Variants in CAP2 observed in about 807,000 individuals in gnomAD.
The protein encoded by CAP2 is adenylyl cyclase-associated protein 2.
CAP2 carries 24 observed loss-of-function variants against 57.7 expected under a neutral mutation model. That is an observed-to-expected ratio of 0.42 (90% CI 0.30 to 0.58). The LOEUF (loss-of-function observed/expected upper bound fraction) is 0.58. Ranked by LOEUF, CAP2 falls within the 20% of genes least tolerant of loss-of-function variation. The pLI is 0.22. For missense variants in CAP2, 501 were observed against 590.3 expected, an observed-to-expected ratio of 0.85 and a Z score of 1.57; for synonymous variants, 194 against 207.2, an observed-to-expected ratio of 0.94 and a Z score of 0.55.
Position 17,513,214 on chromosome 6 carries a change from C to A in CAP2, c.531-635C>A, listed in dbSNP as rs1017342326. ...AATAGAGATAAAAATACTGGTGATG[C>A]CTTGCCTGGTTTGTATTGTCATTCA... On this transcript the variant is annotated intron_variant, in intron 6 of 12. Transcript: ENST00000229922. The surrounding 1 kb of genome is among the most constrained non-coding windows in gnomAD (Gnocchi z 4.3). Among the ~76,000 whole-genome samples, 5 of 151,974 alleles carry A rather than the reference C, an allele frequency of 3.3e-5. No individual in the cohort carries two copies. Among genetic ancestry groups the A allele is most frequent in the South Asian group, 2.1e-4 (1 of 4,824 alleles).
At chr6:17,438,563 T>C (rs1486796008) in intron 3 of CAP2, among the ~76,000 whole-genome samples, 4 of 142,638 alleles carry the variant, frequency 2.8e-5, no homozygotes, top group Non-Finnish European at 6.0e-5. Context: ...CTCAGCCTCC[T>C]GAGTAGCTGG....
At chr6:17,414,764 A>C (rs1759234713) in intron 1 of CAP2, among the ~76,000 whole-genome samples, 1 of 152,204 alleles carries the variant, frequency 6.6e-6, no homozygotes, top group Non-Finnish European at 1.5e-5. Flanking sequence ...CTTTGGGTCT[A>C]TACCCAGTAA....
At chr6:17,439,681 A>G (rs1760014780) in intron 3 of CAP2, among the ~76,000 whole-genome samples, 1 of 151,480 alleles carries the variant, frequency 6.6e-6, no homozygotes, top group African/African-American at 2.4e-5. Context: ...GGAGCACACA[A>G]CCTAGATCCC....
intron 4 of CAP2, among the ~76,000 whole-genome samples, chr6:17,501,235 AATT>A (rs949816360): frequency 3.9e-5 from 6 of 152,188 alleles, no homozygotes; most frequent in African/African-American, 1.2e-4. Flanking sequence ...CTTAAAAAGT[AATT>A]ATTATTATTT....
At position 17,541,362 on chromosome 6, in the gene CAP2, C is replaced by G. The variant is rs150833591; in HGVS notation, c.1002+214C>G. Among the ~76,000 whole-genome samples, 2,941 of 151,976 alleles carry G rather than the reference C, an allele frequency of 0.019. 94 individuals are homozygous for G. The highest frequency in any genetic ancestry group is 0.12 in the East Asian group (635 of 5,160). On this transcript the variant is annotated intron_variant, in intron 9 of 12. Transcript: ENST00000229922. ...TGGGGGTTTGAGGTGGGAGGATCACCTGAGGTCAGGAGTTCGAGACCAGCC... is the reference window on the plus strand; with the variant it reads ...TGGGGGTTTGAGGTGGGAGGATCACGTGAGGTCAGGAGTTCGAGACCAGCC...
intron 11 of CAP2, among the ~76,000 whole-genome samples, chr6:17,546,461 T>C (rs1024534157): frequency 6.6e-6 from 1 of 152,172 alleles, no homozygotes; most frequent in Non-Finnish European, 1.5e-5. Context: ...GTCAGATGAG[T>C]AGATTGCAAA....
chr6:17,407,890 T>C (rs1310064261), intron 1 of CAP2, among the ~76,000 whole-genome samples: 3 of 151,824 alleles, frequency 2.0e-5, no homozygotes, highest in African/African-American at 7.3e-5. Context: ...GCCAAACTGA[T>C]CACCTGGCTA....
chr6:17,496,114 A>G (rs923724479), intron 4 of CAP2, among the ~76,000 whole-genome samples: 14 of 151,488 alleles, frequency 9.2e-5, no homozygotes, highest in African/African-American at 3.4e-4. Flanking sequence ...AAGTGAGACA[A>G]CCAGAGAGGA....
chr6:17,539,159 A>AT, intron 7 of CAP2, 110 bp from the exon 8 acceptor site: 1 of 989,084 alleles, frequency 1.0e-6, no homozygotes, highest in Non-Finnish European at 1.5e-6. Flanking sequence ...GCCTTTGCTC[A>AT]GGCTTCAACC....
At chr6:17,442,973 T>C (rs1760133469) in intron 3 of CAP2, among the ~76,000 whole-genome samples, 1 of 151,888 alleles carries the variant, frequency 6.6e-6, no homozygotes, top group Admixed American at 6.6e-5. Context: ...CGCCTCGACC[T>C]CCCAAAGTGC....
At chr6:17,539,527 T>C in intron 8 of CAP2, 69 bp downstream of exon 8, 1 of 1,233,382 alleles carries the variant, frequency 8.1e-7, no homozygotes, top group Non-Finnish European at 1.1e-6. Context: ...AAAGAGCCGC[T>C]GGAGCCCCAG....
At chr6:17,400,864 CAAAAA>C (rs11323666) in intron 1 of CAP2, among the ~76,000 whole-genome samples, 1 of 104,244 alleles carries the variant, frequency 9.6e-6, no homozygotes. Flanking sequence ...GACTCCGTCT[CAAAAA>C]AAAAAAAAAA....
chr6:17,439,337 C>T (rs1760002702), intron 3 of CAP2, among the ~76,000 whole-genome samples: 1 of 150,716 alleles, frequency 6.6e-6, no homozygotes, highest in African/African-American at 2.5e-5. Flanking sequence ...CGAAATGCTG[C>T]CTTTATCACA....
At chr6:17,440,126 G>A (rs1006706391) in intron 3 of CAP2, among the ~76,000 whole-genome samples, 4 of 151,656 alleles carry the variant, frequency 2.6e-5, no homozygotes, top group Admixed American at 2.6e-4. Context: ...ACATGTGTGT[G>A]ATGTTGAGTC....
At chr6:17,471,996 C>T (rs532828815) in intron 4 of CAP2, among the ~76,000 whole-genome samples, 99 of 152,266 alleles carry the variant, frequency 6.5e-4, no homozygotes, top group Middle Eastern at 6.8e-3. Context: ...CAAATTACCT[C>T]GATAGTCTCA....
chr6:17,442,768 A>G (rs981434821), intron 3 of CAP2, among the ~76,000 whole-genome samples: 1 of 150,888 alleles, frequency 6.6e-6, no homozygotes, highest in African/African-American at 2.5e-5. Context: ...CCCAGGCTGG[A>G]GTGCAGTGGC....
chr6:17,402,784 A>T (rs936988696), intron 1 of CAP2, among the ~76,000 whole-genome samples: 12 of 152,320 alleles, frequency 7.9e-5, no homozygotes, highest in Non-Finnish European at 1.5e-4. Flanking sequence ...AGTTTTCTGC[A>T]ACTTAACTTA....
At chr6:17,544,133 AAAAAG>A (rs1482293611) in intron 11 of CAP2, among the ~76,000 whole-genome samples, 2 of 151,180 alleles carry the variant, frequency 1.3e-5, no homozygotes, top group Non-Finnish European at 3.0e-5. Context: ...TCAAAAAAAA[AAAAAG>A]AAAAGAAAAA....
chr6:17,437,783 A>C (rs936565193), intron 3 of CAP2, among the ~76,000 whole-genome samples: 1 of 152,032 alleles, frequency 6.6e-6, no homozygotes, highest in African/African-American at 2.4e-5. Flanking sequence ...AGGCTGAGGC[A>C]GGAGAATAGC....
Sources: allele counts gnomAD v4.1 joint callset (sites outside exome capture counted in the v4.1 genomes callset), GRCh38; gene constraint gnomAD v4.1.1; non-coding constraint Gnocchi (gnomAD v3.1); transcripts MANE v1.5; gene names NCBI Gene and HGNC (gene_info 2026-07-23, HGNC 2026-07-21).